Variants in SEMA3D observed in about 807,000 individuals in gnomAD.
SEMA3D encodes the protein semaphorin-3D.
A neutral mutation model predicts 100.1 loss-of-function variants in SEMA3D; 84 were observed. The observed-to-expected ratio is 0.84, with a 90% confidence interval of 0.70 to 1.01. SEMA3D has a LOEUF of 1.01. SEMA3D is among the 50% of genes least tolerant of loss of function. The pLI, the probability that SEMA3D is intolerant of heterozygous loss-of-function variation, is 0.00. For synonymous variants in SEMA3D, 312 were observed against 320.7 expected (o/e 0.97, Z 0.29); for missense variants, 875 against 934.1 (o/e 0.94, Z 0.82).
intron 4 of SEMA3D, among the ~76,000 whole-genome samples, chr7:85,086,022 C>A (rs1788202571): frequency 6.6e-6 from 1 of 152,050 alleles, no homozygotes; most frequent in Non-Finnish European, 1.5e-5. Flanking sequence ...TATATACAAG[C>A]ACAGGGATTA....
chr7:85,090,405 A>C (rs1429740873), intron 4 of SEMA3D, among the ~76,000 whole-genome samples: 1 of 152,144 alleles, frequency 6.6e-6, no homozygotes, highest in Admixed American at 6.6e-5. Context: ...ATTACTAGAC[A>C]GCATATGCTC....
At chr7:85,077,472 GTAAA>G (rs1787906017) in intron 5 of SEMA3D, among the ~76,000 whole-genome samples, 2 of 151,712 alleles carry the variant, frequency 1.3e-5, no homozygotes. Context: ...TTATAAGTCT[GTAAA>G]TAATCAGCAC....
rs1227702017 is a variant in SEMA3D, at chr7:85,051,835, A to G, written c.861+3882T>C. Among the ~76,000 whole-genome samples the G allele has an allele frequency of 7.2e-5, 11 of 151,876 alleles. 1 individual carries two copies. Among genetic ancestry groups the G allele is most frequent in the Admixed American group, 6.6e-5 (1 of 15,184 alleles). On this transcript the variant is annotated intron_variant, in intron 9 of 18. Transcript: ENST00000284136. ...CATGTTGTATCTTCCAGGAATCACA[A>G]TTACCAAGGATAAAAGGGTACTTGT...
At chr7:85,250,129 C>T in the SEMA3D span, among the ~76,000 whole-genome samples, 1 of 152,066 alleles carries the variant, frequency 6.6e-6, no homozygotes, top group Admixed American at 6.5e-5. Flanking sequence ...AGAATCGGGT[C>T]ACTCCCACCC....
the SEMA3D span, among the ~76,000 whole-genome samples, chr7:85,233,227 C>T: frequency 6.0e-5 from 9 of 150,610 alleles, no homozygotes; most frequent in African/African-American, 1.2e-4. Context: ...TTTTGAACAA[C>T]GGCTAGCGCG....
At chr7:85,035,635 A>C (rs1193858679) in intron 12 of SEMA3D, among the ~76,000 whole-genome samples, 1 of 152,070 alleles carries the variant, frequency 6.6e-6, no homozygotes. Context: ...CTGTTAGCTA[A>C]GAAGAATAAG....
rs142144906 is a variant in SEMA3D at position 85,184,327 on chromosome 7, C to T, written c.-173+2351G>A. Among the ~76,000 whole-genome samples, 23 of 152,234 alleles carry T rather than the reference C, an allele frequency of 1.5e-4. 1 individual carries two copies. The East Asian group carries it at 3.5e-3, about 23-fold the overall frequency. ...GTGCCCTTACTAGCTTATATTTGGG[C>T]ACATCAAGCAACATTTTTGCATCTC... On this transcript the variant is annotated intron_variant, in intron 1 of 18. Transcript: ENST00000284136.
chr7:85,103,611 G>A (rs931299003), intron 3 of SEMA3D, among the ~76,000 whole-genome samples: 1 of 151,816 alleles, frequency 6.6e-6, no homozygotes. Context: ...CTAAACCTTT[G>A]ACCTAATCCA....
chr7:85,169,703 C>T (rs191652592), intron 1 of SEMA3D, among the ~76,000 whole-genome samples: 1 of 151,744 alleles, frequency 6.6e-6, no homozygotes, highest in Admixed American at 6.6e-5. Context: ...TTTATTTAAA[C>T]AAAAATATTT....
At chr7:85,238,456 A>G in the SEMA3D span, among the ~76,000 whole-genome samples, 2,461 of 152,174 alleles carry the variant, frequency 0.016, 75 homozygotes, top group African/African-American at 0.057. Flanking sequence ...ATTTGTTGCA[A>G]ATGTCTTTAT....
At chr7:85,129,985 T>A (rs563786047) in intron 2 of SEMA3D, among the ~76,000 whole-genome samples, 117 of 152,216 alleles carry the variant, frequency 7.7e-4, no homozygotes, top group South Asian at 1.9e-3. Flanking sequence ...TTTATTTTTT[T>A]AAAAAAGATG....
At chr7:85,150,515 G>T (rs1790349514) in intron 2 of SEMA3D, among the ~76,000 whole-genome samples, 1 of 143,252 alleles carries the variant, frequency 7.0e-6, no homozygotes, top group South Asian at 2.2e-4. Context: ...TATATTTACA[G>T]GGATATATAT....
the SEMA3D span, among the ~76,000 whole-genome samples, chr7:85,224,881 A>C: frequency 6.6e-6 from 1 of 151,598 alleles, no homozygotes; most frequent in Non-Finnish European, 1.5e-5. Flanking sequence ...CACAAGATGC[A>C]TATATTTATC....
intron 13 of SEMA3D, among the ~76,000 whole-genome samples, chr7:85,020,883 T>A (rs1790235986): frequency 6.6e-6 from 1 of 151,582 alleles, no homozygotes; most frequent in Non-Finnish European, 1.5e-5. Flanking sequence ...AAATGGAAGG[T>A]TTGTTTAAAA....
chr7:85,111,688 T>C (rs367918076), intron 3 of SEMA3D, among the ~76,000 whole-genome samples: 20 of 152,248 alleles, frequency 1.3e-4, no homozygotes, highest in African/African-American at 4.6e-4. Flanking sequence ...AGTCAGATCA[T>C]GTCAGACTGT....
At chr7:85,059,852 G>T (rs1459125670) in intron 8 of SEMA3D, among the ~76,000 whole-genome samples, 1 of 152,084 alleles carries the variant, frequency 6.6e-6, no homozygotes, top group Non-Finnish European at 1.5e-5. Flanking sequence ...AAATAAATAT[G>T]GCAATTCATT....
rs1398015738 is a variant in SEMA3D, at chr7:85,173,311, C to T, written c.-173+13367G>A. On this transcript the variant is annotated intron_variant, in intron 1 of 18. Coordinates refer to ENST00000284136, the MANE Select transcript of SEMA3D (RefSeq NM_001384900.1). The stretch of plus-strand genomic sequence containing the variant: ...GGAATTCAGAGGAGGGTGTTTAAGG[C>T]TTTTACTACTTGCTGATCAGCTTCT... 2.6e-5 allele frequency among the ~76,000 whole-genome samples: 4 copies of T among 152,008 alleles called. No individual in the cohort carries two copies. In the East Asian group the frequency reaches 7.7e-4, roughly 29 times the overall value.
chr7:85,127,173 A>G (rs1339996889), intron 2 of SEMA3D, among the ~76,000 whole-genome samples: 1 of 152,128 alleles, frequency 6.6e-6, no homozygotes, highest in African/African-American at 2.4e-5. Flanking sequence ...ATGGCCAATG[A>G]TATTTCTCCA....
intron 3 of SEMA3D, among the ~76,000 whole-genome samples, chr7:85,113,996 T>C (rs1206346926): frequency 6.6e-6 from 1 of 152,208 alleles, no homozygotes; most frequent in Non-Finnish European, 1.5e-5. Flanking sequence ...TGATTATTTT[T>C]AACCTCACAT....
Sources: allele counts gnomAD v4.1 joint callset (sites outside exome capture counted in the v4.1 genomes callset), GRCh38; gene constraint gnomAD v4.1.1; transcripts MANE v1.5; gene names NCBI Gene and HGNC (gene_info 2026-07-23, HGNC 2026-07-21).